MBNL1: variants seen among roughly 807,000 people sequenced by gnomAD.
MBNL1 encodes the protein muscleblind like splicing regulator 1, also known as muscleblind-like protein 1.
A neutral mutation model predicts 42.2 loss-of-function variants in MBNL1; 8 were observed. That is an observed-to-expected ratio of 0.19 (90% CI 0.11 to 0.34). The LOEUF (loss-of-function observed/expected upper bound fraction) is 0.34. MBNL1 is among the 10% of genes least tolerant of loss of function. The pLI, the probability that MBNL1 is intolerant of heterozygous loss-of-function variation, is 1.00. For missense variants in MBNL1, 309 were observed against 495.3 expected (o/e 0.62, Z 3.57); for synonymous variants, 169 against 173.9 (o/e 0.97, Z 0.22).
intron 2 of MBNL1, among the ~76,000 whole-genome samples, chr3:152,365,052 G>A (rs944054613): frequency 6.6e-6 from 1 of 152,082 alleles, no homozygotes; most frequent in Non-Finnish European, 1.5e-5. Flanking sequence ...TCCAGACACT[G>A]TATAATGCCA....
chr3:152,398,058 A>G (rs573231402), intron 2 of MBNL1, among the ~76,000 whole-genome samples: 1 of 152,352 alleles, frequency 6.6e-6, no homozygotes, highest in South Asian at 2.1e-4. Flanking sequence ...TTGCCCAACT[A>G]CAGTACAAAA....
chr3:152,403,772 T>C (rs2098331305), intron 2 of MBNL1, among the ~76,000 whole-genome samples: 1 of 152,116 alleles, frequency 6.6e-6, no homozygotes, highest in African/African-American at 2.4e-5. Flanking sequence ...GTCCATCCAA[T>C]AGAAACATGT....
rs111644138 is a variant in MBNL1 at position 152,342,553 on chromosome 3, AACAC to A, written c.174+42217_174+42220del. On this transcript the variant is annotated intron_variant, in intron 2 of 9. Transcript: ENST00000324210. The stretch of plus-strand genomic sequence containing the variant: ...TCTGTCTTACTGGGAAACTAAACAA[AACAC>A]ACACACACACACACACACACACACA... Among the ~76,000 whole-genome samples the A allele has an allele frequency of 1.0e-3, 152 of 146,098 alleles. 1 individual carries two copies. Among genetic ancestry groups the A allele is most frequent in the Admixed American group, 2.7e-3 (39 of 14,600 alleles).
At position 152,459,978 on chromosome 3, in the gene MBNL1, G is replaced by A. The variant is rs567008084; in HGVS notation, c.*18+633G>A. 2.6e-5 allele frequency among the ~76,000 whole-genome samples: 4 copies of A among 151,722 alleles called. No individual in the cohort carries two copies. In the South Asian group the frequency reaches 6.2e-4, roughly 24 times the overall value. On this transcript the variant is annotated intron_variant, in intron 9 of 9. Transcript: ENST00000324210. ...ATTAGAATGTAATGAGTTTGGCTAAGCGTGGTGGCTCACACTTGTAATCCA... is the reference window on the plus strand; with the variant it reads ...ATTAGAATGTAATGAGTTTGGCTAAACGTGGTGGCTCACACTTGTAATCCA...
At chr3:152,269,462 C>T (rs1487725755) in intron 1 of MBNL1, 2 of 450,470 alleles carry the variant, frequency 4.4e-6, no homozygotes, top group South Asian at 3.1e-5. Context: ...AGGTGTGAGT[C>T]CCTCTGAGTC....
At chr3:152,457,390 T>C (rs1032281584) in intron 8 of MBNL1, among the ~76,000 whole-genome samples, 1 of 152,182 alleles carries the variant, frequency 6.6e-6, no homozygotes, top group South Asian at 2.1e-4. Flanking sequence ...TGTTCCCCCT[T>C]GGGAAGGGAA....
intron 4 of MBNL1, among the ~76,000 whole-genome samples, chr3:152,434,393 T>G (rs945919152): frequency 2.0e-4 from 31 of 152,242 alleles, no homozygotes; most frequent in African/African-American, 7.5e-4. Flanking sequence ...CTCATTCTTT[T>G]TTATGTCTGC....
rs962067030 is a variant in MBNL1 at position 152,375,768 on chromosome 3, G to A, written c.175-39173G>A. Among the ~76,000 whole-genome samples the A allele has an allele frequency of 4.0e-5, 6 of 151,658 alleles. No individual in the cohort carries two copies. In the South Asian group the frequency reaches 6.2e-4, roughly 16 times the overall value. On this transcript the variant is annotated intron_variant, in intron 2 of 9. Coordinates refer to ENST00000324210, the MANE Select transcript of MBNL1 (RefSeq NM_021038.5). ...CTGGAGGTTGAGGCTGCAGTGAGTC[G>A]TGATTGCTCTGCTACACTCCAGCCG...
At chr3:152,338,546 T>C in intron 2 of MBNL1, 1 of 985,322 alleles carries the variant, frequency 1.0e-6, no homozygotes, top group Non-Finnish European at 1.2e-6. Flanking sequence ...GCCTGGACAC[T>C]CAGTGGTAGC....
chr3:152,283,571 C>G (rs139678783), intron 1 of MBNL1, among the ~76,000 whole-genome samples: 16 of 152,138 alleles, frequency 1.1e-4, no homozygotes, highest in African/African-American at 3.9e-4. Flanking sequence ...TATTCTTAGC[C>G]CTTTGGGTGT....
In MBNL1 at chr3:152,308,171, A is replaced by G. The variant is rs570697814; in HGVS notation, c.174+7804A>G. Among the ~76,000 whole-genome samples the G allele has an allele frequency of 2.0e-5, 3 of 152,318 alleles. No individual in the cohort carries two copies. The South Asian group carries it at 6.2e-4, about 32-fold the overall frequency. ...AAGTAGCCCAGAGGATGCTTGAGTT[A>G]TAGTTCAGTACAAACAGTACCTTGG... On this transcript the variant is annotated intron_variant, in intron 2 of 9. Transcript: ENST00000324210.
intron 3 of MBNL1, among the ~76,000 whole-genome samples, chr3:152,426,427 C>T (rs2098932697): frequency 6.6e-6 from 1 of 152,206 alleles, no homozygotes; most frequent in African/African-American, 2.4e-5. Flanking sequence ...TTGTCACATA[C>T]TGTCTGGTGC....
At chr3:152,424,273 C>A (rs2098858764) in intron 3 of MBNL1, among the ~76,000 whole-genome samples, 1 of 152,054 alleles carries the variant, frequency 6.6e-6, no homozygotes, top group Non-Finnish European at 1.5e-5. Context: ...TTCCTGTACA[C>A]CAATAATAGA....
At chr3:152,424,068 G>A (rs1352782737) in intron 3 of MBNL1, among the ~76,000 whole-genome samples, 1 of 152,182 alleles carries the variant, frequency 6.6e-6, no homozygotes, top group Non-Finnish European at 1.5e-5. Flanking sequence ...AGTATTGGAA[G>A]TTCTGGCCAG....
At chr3:152,273,526 G>A (rs1326555340) in intron 1 of MBNL1, among the ~76,000 whole-genome samples, 1 of 152,094 alleles carries the variant, frequency 6.6e-6, no homozygotes, top group Non-Finnish European at 1.5e-5. Context: ...CACACATCTT[G>A]AAATATTTGT....
At chr3:152,456,238 G>A (rs769953066) in intron 7 of MBNL1, 29 bp from the exon 8 acceptor site, 15 of 1,496,412 alleles carry the variant, frequency 1.0e-5, no homozygotes, top group Admixed American at 1.7e-5. Flanking sequence ...TCTTCTGTAT[G>A]TTCGCTTATA....
chr3:152,457,377 A>G (rs1287268015), intron 8 of MBNL1, among the ~76,000 whole-genome samples: 2 of 152,202 alleles, frequency 1.3e-5, no homozygotes, highest in African/African-American at 4.8e-5. Context: ...ATGAAAATGA[A>G]CATGTTCCCC....
At chr3:152,338,320 C>G in intron 2 of MBNL1, 2 of 985,372 alleles carry the variant, frequency 2.0e-6, no homozygotes, top group South Asian at 9.4e-5. Context: ...GGTCATGTCT[C>G]CACTTCCTTA....
At chr3:152,439,772 A>G (rs1300816994) in intron 4 of MBNL1, among the ~76,000 whole-genome samples, 1 of 152,102 alleles carries the variant, frequency 6.6e-6, no homozygotes, top group Non-Finnish European at 1.5e-5. Flanking sequence ...TCACTTGAGC[A>G]GGGAGGTTGA....
Sources: allele counts gnomAD v4.1 joint callset (sites outside exome capture counted in the v4.1 genomes callset), GRCh38; gene constraint gnomAD v4.1.1; transcripts MANE v1.5; gene names NCBI Gene and HGNC (gene_info 2026-07-23, HGNC 2026-07-21).